RNF31: variants seen among roughly 807,000 people sequenced by gnomAD.
RNF31 encodes the protein E3 ubiquitin-protein ligase RNF31.
Under a neutral mutation model 133.6 loss-of-function variants are expected in RNF31, and 38 were observed. The ratio of observed to expected loss-of-function variants is 0.28; its 90% CI spans 0.22 to 0.37. The LOEUF (loss-of-function observed/expected upper bound fraction) is 0.37, where lower values mean the gene tolerates loss of function less well. Ranked by LOEUF, RNF31 falls within the 10% of genes least tolerant of loss-of-function variation. The pLI, the probability that RNF31 is intolerant of heterozygous loss-of-function variation, is 1.00. For missense variants in RNF31, 1,118 were observed against 1,394.1 expected (o/e 0.80, Z 3.15); for synonymous variants, 582 against 552.3 (o/e 1.05, Z -0.75).
At chr14:24,147,385 T>A, upstream of RNF31, 1 of 273,954 alleles carries the variant, frequency 3.7e-6, no homozygotes, top group Non-Finnish European at 6.8e-6. Context: ...TCTCATTGGT[T>A]GGGACCTGGC....
chr14:24,149,629 A>C (rs767792488), intron 6 of RNF31, 46 bp downstream of exon 6: 6 of 1,568,264 alleles, frequency 3.8e-6, no homozygotes, highest in Middle Eastern at 1.7e-4. Context: ...TAGAGAACTT[A>C]AGATCACTTG....
Position 24,160,240 on chromosome 14 carries a change from G to T in RNF31, c.2998G>T (p.Ala1000Ser). The change falls in exon 20 of 21, where the codon GCA becomes TCA. Residue 1000 changes from alanine (A) to serine (S), a missense_variant and splice_region_variant. Physicochemically the swap from Ala to Ser is moderately conservative, Grantham distance 99. This residue lies in a region of RNF31 where 170 missense variants were observed against 194.5 expected (regional missense o/e 0.87). Coordinates refer to ENST00000324103, the MANE Select transcript of RNF31 (RefSeq NM_017999.5). This position sits in a 1 kb window ranked among gnomAD's most constrained non-coding sequence, Gnocchi z 4.0. ...TPAGYAGLCQ[A>S]HYKEYLVSLI... ...TATTCTGCTCCCTTTTCTCCCCAGG[G>T]CACACTACAAAGAGTATCTTGTGAG... 6.2e-7 allele frequency: 1 copy of T among 1,611,384 alleles called. No individual in the cohort carries two copies. The highest frequency in any genetic ancestry group is 8.5e-7 in the Non-Finnish European group (1 of 1,178,804).
rs746428664 is a variant in RNF31, at chr14:24,151,394, G to A, written c.1737+15G>A. The A allele has an allele frequency of 8.1e-6, 13 of 1,613,984 alleles. No homozygotes were observed. Among genetic ancestry groups the A allele is most frequent in the Non-Finnish European group, 1.1e-5 (13 of 1,179,984 alleles). On this transcript the variant is annotated intron_variant, in intron 9 of 20. Transcript: ENST00000324103. This position sits in a 1 kb window ranked among gnomAD's most constrained non-coding sequence, Gnocchi z 5.3. ...GGCGAAGGAAGGTATCAGCTGTGCT[G>A]GATATGGGATAGGGTCGAGAGTCTG... is the stretch of plus-strand genomic sequence containing the variant.
At chr14:24,154,051 A>G (rs2038306780) in intron 11 of RNF31, among the ~76,000 whole-genome samples, 1 of 150,910 alleles carries the variant, frequency 6.6e-6, no homozygotes, top group Admixed American at 6.6e-5. Flanking sequence ...GCTGGAGCGC[A>G]GTCGCGCAAT....
Position 24,150,864 on chromosome 14 carries a change from C to T in RNF31, c.1464C>T (p.Gly488=), listed in dbSNP as rs770817108. 3 of 1,562,874 alleles carry T rather than the reference C, an allele frequency of 1.9e-6. No homozygotes were observed. Among genetic ancestry groups the T allele is most frequent in the South Asian group, 2.4e-5 (2 of 82,564 alleles). The part of the protein sequence containing the change: ...KQRQDKMREE[G]LQLVSMIREG... Reference sequence around the variant, plus strand: ...GCCAAGACAAGATGCGGGAAGAAGGCCTCCAGCTAGTGAGCATGATCCGGG... The same window carrying T: ...GCCAAGACAAGATGCGGGAAGAAGGTCTCCAGCTAGTGAGCATGATCCGGG... Residue 488 remains glycine, a synonymous_variant, in exon 8 of 21, where the codon GGC becomes GGT. Coordinates refer to ENST00000324103, the MANE Select transcript of RNF31 (RefSeq NM_017999.5).
chr14:24,155,310 T>G lies in RNF31; in HGVS notation c.2284T>G (p.Phe762Val). Residue 762 changes from phenylalanine to valine, a missense_variant, in exon 12 of 21, where the codon TTC becomes GTC. Physicochemically the swap from Phe to Val is conservative, Grantham distance 50. This residue lies in a region of RNF31 where 201 missense variants were observed against 371.7 expected (regional missense o/e 0.54). Coordinates refer to ENST00000324103, the MANE Select transcript of RNF31 (RefSeq NM_017999.5). The surrounding 1 kb of genome is among the most constrained non-coding windows in gnomAD (Gnocchi z 4.9). ...CGATGACACACAGTTGCTCAGCTAC[T>G]TCTCTACCCTTGACATCCAGGTACT... Reference protein sequence around the residue: ...LTDDTQLLSYFSTLDIQLRES... With the variant: ...LTDDTQLLSYVSTLDIQLRES... 1 of 1,614,204 alleles carries G rather than the reference T, an allele frequency of 6.2e-7. No homozygotes were observed. Among genetic ancestry groups the G allele is most frequent in the Non-Finnish European group, 8.5e-7 (1 of 1,180,032 alleles).
chr14:24,157,505 T>G lies in RNF31; in HGVS notation c.2609-15T>G, dbSNP rs765851060. The G allele has an allele frequency of 6.2e-7, 1 of 1,612,964 alleles. No individual in the cohort carries two copies. The highest frequency in any genetic ancestry group is 1.3e-5 in the African/African-American group (1 of 74,908). On this transcript the variant is annotated splice_polypyrimidine_tract_variant and intron_variant, in intron 15 of 20. Coordinates refer to ENST00000324103, the MANE Select transcript of RNF31 (RefSeq NM_017999.5). ...TGCAGCGGCAGCTCCAGCCCTGACC[T>G]CTTGTCCTTTGCAGACTGCCCCAAA...
Position 24,151,335 on chromosome 14 carries a change from C to G in RNF31, c.1693C>G (p.Leu565Val). 6.2e-7 allele frequency: 1 copy of G among 1,614,212 alleles called. No homozygotes were observed. Among genetic ancestry groups the G allele is most frequent in the Non-Finnish European group, 8.5e-7 (1 of 1,180,032 alleles). ...AGCCTGGCTGGATCGTCATGGCAAC[C>G]TTGATGAAGCTGTGGAGGAGTGTGT... ...RRAWLDRHGN[L>V]DEAVEECVRT... The change falls in exon 9 of 21, where the codon CTT becomes GTT. Residue 565 changes from leucine (L) to valine (V), a missense_variant. Leu to Val is a conservative substitution (Grantham distance 32). Around this residue, in one of 3 missense-constraint regions of RNF31, gnomAD observed 747 missense variants for 827.9 expected, o/e 0.90. Coordinates refer to ENST00000324103, the MANE Select transcript of RNF31 (RefSeq NM_017999.5). This position sits in a 1 kb window ranked among gnomAD's most constrained non-coding sequence, Gnocchi z 5.3.
intron 18 of RNF31, chr14:24,158,786 C>T (rs1200204532): frequency 6.6e-6 from 1 of 152,220 alleles, no homozygotes; most frequent in Non-Finnish European, 1.5e-5. Flanking sequence ...CCTGTAATCC[C>T]AGCACTTTGG....
Position 24,159,987 on chromosome 14 carries a change from G to T in RNF31, c.2996+27G>T, listed in dbSNP as rs751195817. 2.5e-6 allele frequency: 4 copies of T among 1,598,362 alleles called. No homozygotes were observed. The East Asian group carries it at 6.7e-5, about 27-fold the overall frequency. On this transcript the variant is annotated intron_variant, in intron 19 of 20. Transcript: ENST00000324103. ...TGAGTGCCAGCAGGACATGGGCATG[G>T]TGTTGGGCAGTGGGTAGAAGTGGTG...
chr14:24,149,269 T>A, intron 5 of RNF31, 137 bp from the exon 6 acceptor site: 1 of 964,590 alleles, frequency 1.0e-6, no homozygotes, highest in Non-Finnish European at 1.5e-6. Flanking sequence ...GGCCTCTTTG[T>A]TTTTTAAAAG....
chr14:24,155,065 C>T lies in RNF31; in HGVS notation c.2131-92C>T. The T allele has an allele frequency of 7.7e-7, 1 of 1,297,720 alleles. No homozygotes were observed. The highest frequency in any genetic ancestry group is 1.1e-6 in the Non-Finnish European group (1 of 928,072). 80.4% of individuals were successfully genotyped at this position (1,297,720 alleles called of 1,614,324 possible). On this transcript the variant is annotated intron_variant, in intron 11 of 20. Coordinates refer to ENST00000324103, the MANE Select transcript of RNF31 (RefSeq NM_017999.5). The surrounding 1 kb of genome is among the most constrained non-coding windows in gnomAD (Gnocchi z 4.9). ...ACCCTGCCCAGTTGTTAATTAGACC[C>T]TGATTTCTTAGTGGACACCTGGCCA...
At chr14:24,149,655 C>T (rs944440006) in intron 6 of RNF31, 72 bp downstream of exon 6, 2 of 1,449,674 alleles carry the variant, frequency 1.4e-6, no homozygotes, top group African/African-American at 1.4e-5. Flanking sequence ...GGACTACCTG[C>T]CAGTTTCTGT....
rs994538267 is a variant in RNF31, at chr14:24,148,515, A to G, written c.495+102A>G. ...ACCCCCGTGCTGCTGAACTATGGGC[A>G]TAGTTCAGCATTCTGGGAGCTCCGG... On this transcript the variant is annotated intron_variant, in intron 3 of 20. Coordinates refer to ENST00000324103, the MANE Select transcript of RNF31 (RefSeq NM_017999.5). 5 of 1,594,828 alleles carry G rather than the reference A, an allele frequency of 3.1e-6. No homozygotes were observed. The East Asian group carries it at 1.1e-4, about 36-fold the overall frequency.
rs1313615368 is a variant in RNF31 at position 24,151,408 on chromosome 14, G to C, written c.1737+29G>C. On this transcript the variant is annotated intron_variant, in intron 9 of 20. Transcript: ENST00000324103. The surrounding 1 kb of genome is among the most constrained non-coding windows in gnomAD (Gnocchi z 5.3). ...TCAGCTGTGCTGGATATGGGATAGG[G>C]TCGAGAGTCTGCATCTCTCACACTC... 1.2e-6 allele frequency: 2 copies of C among 1,613,456 alleles called. No homozygotes were observed. Among genetic ancestry groups the C allele is most frequent in the Non-Finnish European group, 1.7e-6 (2 of 1,179,528 alleles).
At chr14:24,156,460 T>C (rs768860069) in intron 14 of RNF31, among the ~76,000 whole-genome samples, 7 of 151,952 alleles carry the variant, frequency 4.6e-5, no homozygotes, top group Non-Finnish European at 1.0e-4. Flanking sequence ...TGAGCCACTA[T>C]GCCCAGCCAC....
intron 14 of RNF31, among the ~76,000 whole-genome samples, chr14:24,156,509 G>T (rs1274949876): frequency 6.6e-6 from 1 of 152,110 alleles, no homozygotes; most frequent in East Asian, 1.9e-4. Context: ...GCTAGGCATG[G>T]TGGCTTCCGC....
chr14:24,153,025 G>C (rs2038290457), intron 11 of RNF31, among the ~76,000 whole-genome samples: 1 of 151,798 alleles, frequency 6.6e-6, no homozygotes. Flanking sequence ...AGCTTGCAGT[G>C]AGCCGAGATC....
chr14:24,148,713 AG>A lies in RNF31; in HGVS notation c.555+14del. 6.2e-7 allele frequency: 1 copy of A among 1,614,152 alleles called. No homozygotes were observed. The stretch of plus-strand genomic sequence containing the variant: ...AGGTTGAAGATGATGTAAGGAAGGC[AG>A]GAAAGGGGCTGGTGTACAAAGGAAA... On this transcript the variant is annotated intron_variant, in intron 4 of 20. Coordinates refer to ENST00000324103, the MANE Select transcript of RNF31 (RefSeq NM_017999.5).
Sources: allele counts gnomAD v4.1 joint callset (sites outside exome capture counted in the v4.1 genomes callset), GRCh38; gene constraint gnomAD v4.1.1; regional missense constraint gnomAD v4.1.1; non-coding constraint Gnocchi (gnomAD v3.1); transcripts MANE v1.5; gene names NCBI Gene and HGNC (gene_info 2026-07-23, HGNC 2026-07-21).